The following IL1RAPL1 variants were observed in gnomAD, a reference collection of about 807,000 sequenced individuals.
The protein encoded by IL1RAPL1 is interleukin-1 receptor accessory protein-like 1.
A neutral mutation model predicts 48.4 loss-of-function variants in IL1RAPL1; 3 were observed. The ratio of observed to expected loss-of-function variants is 0.06; its 90% CI spans 0.03 to 0.16. The LOEUF (loss-of-function observed/expected upper bound fraction) is 0.16. IL1RAPL1 is among the 10% of genes least tolerant of loss of function. IL1RAPL1 has a pLI of 1.00. For synonymous variants in IL1RAPL1, 185 were observed against 187.7 expected, an observed-to-expected ratio of 0.99 and a Z score of 0.12; for missense variants, 349 against 530.6, an observed-to-expected ratio of 0.66 and a Z score of 3.36.
chrX:28,782,770 G>A (rs966765173), intron 1 of IL1RAPL1, among the ~76,000 whole-genome samples: 4 of 111,360 alleles, frequency 3.6e-5, no homozygotes, highest in African/African-American at 1.3e-4. Context: ...GGGTTTACTC[G>A]TAATTTTCTT....
chrX:28,905,852 TAGTA>T (rs1304294763), intron 2 of IL1RAPL1, among the ~76,000 whole-genome samples: 1 of 111,641 alleles, frequency 9.0e-6, no homozygotes, highest in Non-Finnish European at 1.9e-5. Flanking sequence ...ATATAATTCT[TAGTA>T]AGAGAAAGAA....
chrX:28,947,795 T>C (rs1924347314), intron 2 of IL1RAPL1, among the ~76,000 whole-genome samples: 1 of 111,678 alleles, frequency 9.0e-6, no homozygotes, highest in Non-Finnish European at 1.9e-5. Context: ...AATAAAAATA[T>C]ATAGAGAAAT....
intron 2 of IL1RAPL1, among the ~76,000 whole-genome samples, chrX:29,041,401 C>G (rs776145792): frequency 7.0e-4 from 78 of 111,991 alleles, no homozygotes; most frequent in African/African-American, 2.4e-3. Context: ...TCCACTGATA[C>G]AGCTTACAGA....
intron 6 of IL1RAPL1, among the ~76,000 whole-genome samples, chrX:29,695,699 C>A (rs191347224): frequency 2.5e-4 from 28 of 110,042 alleles, no homozygotes; most frequent in African/African-American, 9.3e-4. Flanking sequence ...TTCATCCTTA[C>A]GTCATAATTA....
intron 2 of IL1RAPL1, among the ~76,000 whole-genome samples, chrX:28,967,378 A>G (rs777339078): frequency 9.0e-6 from 1 of 111,295 alleles, no homozygotes; most frequent in Admixed American, 9.6e-5. Flanking sequence ...AGATTTATAT[A>G]TAACTTCCTT....
In IL1RAPL1 at chrX:29,934,856, A is replaced by G. The variant is rs756440190; in HGVS notation, c.1058-6795A>G. Among the ~76,000 whole-genome samples, 34 of 112,005 alleles carry G rather than the reference A, an allele frequency of 3.0e-4. No individual in the cohort carries two copies. In the South Asian group the frequency reaches 8.6e-3, roughly 28 times the overall value. On this transcript the variant is annotated intron_variant, in intron 8 of 10. Coordinates refer to ENST00000378993, the MANE Select transcript of IL1RAPL1 (RefSeq NM_014271.4). ...TCAAAATTACAAAATGCCATTGCCTATGATATAGTCTATATTCAAATTTCA... is the reference window on the plus strand; with the variant it reads ...TCAAAATTACAAAATGCCATTGCCTGTGATATAGTCTATATTCAAATTTCA...
At chrX:29,377,532 A>G (rs1933639421) in intron 3 of IL1RAPL1, among the ~76,000 whole-genome samples, 1 of 111,853 alleles carries the variant, frequency 8.9e-6, no homozygotes, top group Non-Finnish European at 1.9e-5. Flanking sequence ...TCCCTTAAGG[A>G]CCTCTTATGA....
chrX:28,804,401 A>G (rs939075926), intron 2 of IL1RAPL1, among the ~76,000 whole-genome samples: 1 of 111,867 alleles, frequency 8.9e-6, no homozygotes, highest in African/African-American at 3.2e-5. Context: ...CCACAAATTT[A>G]GTGTCTTAAA....
rs183275881 is a variant in IL1RAPL1, at chrX:29,336,384, C to A, written c.362+53167C>A. Among the ~76,000 whole-genome samples, 12 of 84,587 alleles carry A rather than the reference C, an allele frequency of 1.4e-4. No individual in the cohort carries two copies. The East Asian group carries it at 4.1e-3, about 29-fold the overall frequency. The allele number at this position is 84,587 out of a possible 115,157, so 73.5% of individuals were successfully genotyped here. On this transcript the variant is annotated intron_variant, in intron 3 of 10. Transcript: ENST00000378993. ...ATATATATACCTGATATACCTGTAT[C>A]ATTCTGCTTTTTGACCTTATCTTTG...
chrX:29,948,329 G>A (rs894694844), intron 9 of IL1RAPL1, among the ~76,000 whole-genome samples: 2 of 111,483 alleles, frequency 1.8e-5, no homozygotes, highest in African/African-American at 6.5e-5. Flanking sequence ...AATTAGAACA[G>A]TACTGTAAAT....
At chrX:28,978,154 G>A (rs1925250807) in intron 2 of IL1RAPL1, among the ~76,000 whole-genome samples, 2 of 111,631 alleles carry the variant, frequency 1.8e-5, no homozygotes, top group Admixed American at 1.9e-4. Flanking sequence ...TGGTGATGCA[G>A]GAGAGAGTGG....
intron 3 of IL1RAPL1, among the ~76,000 whole-genome samples, chrX:29,316,266 A>G (rs1048808324): frequency 8.9e-6 from 1 of 112,130 alleles, no homozygotes; most frequent in Non-Finnish European, 1.9e-5. Flanking sequence ...TCCCAGAACC[A>G]CGAAAATGAC....
intron 6 of IL1RAPL1, among the ~76,000 whole-genome samples, chrX:29,700,831 A>T (rs2147115467): frequency 8.9e-6 from 1 of 112,415 alleles, no homozygotes; most frequent in Admixed American, 9.4e-5. Context: ...AATACCAAAT[A>T]AATTTGTAGA....
intron 1 of IL1RAPL1, among the ~76,000 whole-genome samples, chrX:28,718,953 G>C (rs73531801): frequency 3.0e-4 from 34 of 111,598 alleles, no homozygotes; most frequent in African/African-American, 1.0e-3. Context: ...ATAAAGATGA[G>C]TATTTGTTGT....
At chrX:29,608,601 C>A (rs139333246) in intron 5 of IL1RAPL1, among the ~76,000 whole-genome samples, 3 of 110,226 alleles carry the variant, frequency 2.7e-5, no homozygotes, top group Non-Finnish European at 5.7e-5. Context: ...CCAAGGTGGG[C>A]GGATCACGAG....
At chrX:28,937,355 G>A (rs968307824) in intron 2 of IL1RAPL1, among the ~76,000 whole-genome samples, 1 of 110,862 alleles carries the variant, frequency 9.0e-6, no homozygotes, top group Non-Finnish European at 1.9e-5. Context: ...AGAGTGACCA[G>A]TTTTTACTTT....
chrX:29,411,776 A>G (rs1934147244), intron 5 of IL1RAPL1, among the ~76,000 whole-genome samples: 1 of 108,300 alleles, frequency 9.2e-6, no homozygotes, highest in Non-Finnish European at 1.9e-5. Context: ...ATTACTATCT[A>G]TATTTATCAA....
chrX:28,645,260 T>C (rs1934593748), intron 1 of IL1RAPL1, among the ~76,000 whole-genome samples: 1 of 102,977 alleles, frequency 9.7e-6, no homozygotes, highest in Non-Finnish European at 2.0e-5. Context: ...GGCAGGAGAA[T>C]TGCTTGAACC....
At chrX:29,486,612 C>CAAAAAAAAAAAAA (rs768358495) in intron 5 of IL1RAPL1, among the ~76,000 whole-genome samples, 1 of 40,917 alleles carries the variant, frequency 2.4e-5, no homozygotes, top group Non-Finnish European at 4.1e-5. Context: ...AAGTGCTATA[C>CAAAAAAAAAAAAA]AAAAAAAAAA....
Sources: allele counts gnomAD v4.1 joint callset (sites outside exome capture counted in the v4.1 genomes callset), GRCh38; gene constraint gnomAD v4.1.1; transcripts MANE v1.5; gene names NCBI Gene and HGNC (gene_info 2026-07-23, HGNC 2026-07-21).